NAB1: variants seen among roughly 807,000 people sequenced by gnomAD.
The protein encoded by NAB1 is NGFI-A-binding protein 1.
In NAB1, 25 loss-of-function variants were observed where a neutral mutation model predicts 49.9. The ratio of observed to expected loss-of-function variants is 0.50; its 90% CI spans 0.37 to 0.70. NAB1 has a LOEUF of 0.70. Ranked by LOEUF, NAB1 falls within the 30% of genes least tolerant of loss-of-function variation. The probability of loss-of-function intolerance (pLI) is 0.00; values close to 1 mark genes in which losing one functional copy is unlikely to be tolerated. For synonymous variants in NAB1, 198 were observed against 215.6 expected, an observed-to-expected ratio of 0.92 and a Z score of 0.71; for missense variants, 489 against 575.9, an observed-to-expected ratio of 0.85 and a Z score of 1.54.
intron 5 of NAB1, among the ~76,000 whole-genome samples, chr2:190,672,034 A>G (rs950993381): frequency 6.6e-6 from 1 of 152,130 alleles, no homozygotes; most frequent in Non-Finnish European, 1.5e-5. Flanking sequence ...TTGGCCTCCC[A>G]AAGTGCTGGG....
At chr2:190,662,030 T>C (rs1304228258) in intron 4 of NAB1, among the ~76,000 whole-genome samples, 1 of 152,234 alleles carries the variant, frequency 6.6e-6, no homozygotes, top group East Asian at 1.9e-4. Flanking sequence ...GTTTTTTTAG[T>C]TCTAAGTTCC....
At chr2:190,653,468 C>T (rs1285773253) in intron 2 of NAB1, among the ~76,000 whole-genome samples, 2 of 152,094 alleles carry the variant, frequency 1.3e-5, no homozygotes, top group Non-Finnish European at 2.9e-5. Context: ...AAATTGCAGG[C>T]TGTGTTGGGG....
rs1450224197 is a variant in NAB1 at position 190,687,237 on chromosome 2, A to G, written c.1295A>G (p.Gln432Arg). ...TTGAATCTCCGAATGCCTAATTTAC[A>G]GAACAGACAACCCCATCATTTTGTG... ...RPLNLRMPNL[Q>R]NRQPHHFVVD... The change falls in exon 9 of 10, where the codon CAG becomes CGG. Residue 432 changes from glutamine to arginine, a missense_variant. This residue lies in a region of NAB1 where 212 missense variants were observed against 199.3 expected (regional missense o/e 1.06). Transcript: ENST00000337386. The G allele has an allele frequency of 6.3e-7, 1 of 1,594,636 alleles. No homozygotes were observed. The highest frequency in any genetic ancestry group is 8.5e-7 in the Non-Finnish European group (1 of 1,174,860).
At chr2:190,662,387 C>CTTTTTTT (rs201737455) in intron 4 of NAB1, among the ~76,000 whole-genome samples, 1 of 146,520 alleles carries the variant, frequency 6.8e-6, no homozygotes, top group Non-Finnish European at 1.5e-5. Context: ...TTAAGCCCCT[C>CTTTTTTT]TTTTTTTTTT....
chr2:190,678,777 T>C lies in NAB1; in HGVS notation c.1006-4961T>C, dbSNP rs576380540. 6.6e-6 allele frequency among the ~76,000 whole-genome samples: 1 copy of C among 152,322 alleles called. No homozygotes were observed. The highest frequency in any genetic ancestry group is 2.4e-5 in the African/African-American group (1 of 41,562). On this transcript the variant is annotated intron_variant, in intron 6 of 9. Coordinates refer to ENST00000337386, the MANE Select transcript of NAB1 (RefSeq NM_005966.4). The surrounding 1 kb of genome is among the most constrained non-coding windows in gnomAD (Gnocchi z 4.9). ...AAAAGAAAGCTGGTCTAATTTGACG[T>C]AGACTCTTCCCCTCTGGATCAGAAA...
At position 190,685,517 on chromosome 2, in the gene NAB1, C is replaced by A; in HGVS notation, c.1137C>A (p.Cys379Ter). ...KVMAKQMEFL[C>*]NQAGYERLQH... is the part of the protein sequence containing the mutation. ...TGGCAAAGCAGATGGAGTTCCTTTG[C>A]AACCAAGCTGGCTATGAGAGACTGC... is the stretch of plus-strand genomic sequence containing the variant. Residue 379 changes from cysteine (C) to a stop codon, truncating the protein, a stop_gained, in exon 8 of 10, where the codon TGC becomes TGA. Transcript: ENST00000337386. LOFTEE classifies it high-confidence loss of function. This position sits in a 1 kb window ranked among gnomAD's most constrained non-coding sequence, Gnocchi z 4.5. 1 of 1,613,414 alleles carries A rather than the reference C, an allele frequency of 6.2e-7. No homozygotes were observed. The highest frequency in any genetic ancestry group is 8.5e-7 in the Non-Finnish European group (1 of 1,179,796).
Position 190,652,741 on chromosome 2 carries a change from G to C in NAB1, c.-197+2759G>C, listed in dbSNP as rs1349136077. On this transcript the variant is annotated intron_variant, in intron 2 of 9. Transcript: ENST00000337386. This position sits in a 1 kb window ranked among gnomAD's most constrained non-coding sequence, Gnocchi z 4.2. ...AATGCTTACTAATATGTGTGCCTAG[G>C]TAAATCACTGGAAGCTTGAAACACA... Among the ~76,000 whole-genome samples, 1 of 152,174 alleles carries C rather than the reference G, an allele frequency of 6.6e-6. No homozygotes were observed. The highest frequency in any genetic ancestry group is 1.5e-5 in the Non-Finnish European group (1 of 68,034).
In NAB1 at chr2:190,677,272, C is replaced by G. The variant is rs1425324611; in HGVS notation, c.1005+4120C>G. 1 of 152,148 alleles carries G rather than the reference C, an allele frequency of 6.6e-6. No homozygotes were observed. The highest frequency in any genetic ancestry group is 1.5e-5 in the Non-Finnish European group (1 of 68,028). 9.4% of individuals were successfully genotyped at this position (152,148 alleles called of 1,614,324 possible). ...AATCTGTTGTCCTTAAATAGTGTTC[C>G]TCCTTACAGGGTATGTTAAACATTA... On this transcript the variant is annotated intron_variant, in intron 6 of 9. Coordinates refer to ENST00000337386, the MANE Select transcript of NAB1 (RefSeq NM_005966.4). This position sits in a 1 kb window ranked among gnomAD's most constrained non-coding sequence, Gnocchi z 5.6.
Position 190,679,548 on chromosome 2 carries a change from A to G in NAB1, c.1006-4190A>G, listed in dbSNP as rs564632971. On this transcript the variant is annotated intron_variant, in intron 6 of 9. Transcript: ENST00000337386. The surrounding 1 kb of genome is among the most constrained non-coding windows in gnomAD (Gnocchi z 5.3). ...CTCATGGTTGAATAATCCTGACTTT[A>G]GTGCCACCAGGTATTTGTATGGCAA... 6.6e-6 allele frequency among the ~76,000 whole-genome samples: 1 copy of G among 152,134 alleles called. No individual in the cohort carries two copies. The highest frequency in any genetic ancestry group is 6.5e-5 in the Admixed American group (1 of 15,286).
intron 4 of NAB1, among the ~76,000 whole-genome samples, chr2:190,662,086 G>T (rs1184684989): frequency 2.6e-5 from 4 of 152,086 alleles, no homozygotes; most frequent in African/African-American, 9.7e-5. Flanking sequence ...TCCACATAAG[G>T]AATACATGAC....
rs1171491443 is a variant in NAB1, at chr2:190,684,997, G to A, written c.1096-479G>A. On this transcript the variant is annotated intron_variant, in intron 7 of 9. Transcript: ENST00000337386. The surrounding 1 kb of genome is among the most constrained non-coding windows in gnomAD (Gnocchi z 4.6). ...TTTAATTTTAGTGGGAAGTGTATTT[G>A]TCTTGTTCTTCTAGACAGCCGTTTT... 1.3e-5 allele frequency among the ~76,000 whole-genome samples: 2 copies of A among 152,176 alleles called. No homozygotes were observed. Among genetic ancestry groups the A allele is most frequent in the Non-Finnish European group, 2.9e-5 (2 of 68,024 alleles).
At chr2:190,660,224 C>T (rs931101512) in intron 4 of NAB1, among the ~76,000 whole-genome samples, 5 of 144,708 alleles carry the variant, frequency 3.5e-5, no homozygotes, top group African/African-American at 7.5e-5. Flanking sequence ...AACTACAGTA[C>T]GAGGTGACTT....
chr2:190,690,837 T>C lies in NAB1; in HGVS notation c.*504T>C, dbSNP rs1695911326. On this transcript the variant is annotated 3_prime_UTR_variant, in exon 10 of 10. Coordinates refer to ENST00000337386, the MANE Select transcript of NAB1 (RefSeq NM_005966.4). The stretch of plus-strand genomic sequence containing the variant: ...GATGCAGTTATTGGCAAGATTGCAA[T>C]GATTATGGAAAAATAGAAAGCGAAT... 6.5e-6 allele frequency: 1 copy of C among 152,692 alleles called. No individual in the cohort carries two copies. Among genetic ancestry groups the C allele is most frequent in the South Asian group, 2.1e-4 (1 of 4,846 alleles). The allele number at this position is 152,692 out of a possible 1,614,324, so 9.5% of individuals were successfully genotyped here. A position where few individuals can be genotyped will look rare whatever the true frequency, so the allele number is the denominator to read the frequency against.
chr2:190,661,334 A>G (rs1031571293), intron 4 of NAB1, among the ~76,000 whole-genome samples: 1 of 152,240 alleles, frequency 6.6e-6, no homozygotes, highest in African/African-American at 2.4e-5. Flanking sequence ...GACTTGATCT[A>G]TTTTGGGAGT....
rs1693726842 is a variant in NAB1 at position 190,652,633 on chromosome 2, A to G, written c.-197+2651A>G. ...AAGAGACAACATTTTAAGTTTCCCA[A>G]ATTACAGTCAATTCATTAGAAGGTA... On this transcript the variant is annotated intron_variant, in intron 2 of 9. Coordinates refer to ENST00000337386, the MANE Select transcript of NAB1 (RefSeq NM_005966.4). The surrounding 1 kb of genome is among the most constrained non-coding windows in gnomAD (Gnocchi z 4.2). 6.6e-6 allele frequency among the ~76,000 whole-genome samples: 1 copy of G among 152,214 alleles called. No homozygotes were observed. The highest frequency in any genetic ancestry group is 2.1e-4 in the South Asian group (1 of 4,834).
Position 190,654,332 on chromosome 2 carries a change from TCCTCTGTTC to T in NAB1, c.-196-1642_-196-1634del, listed in dbSNP as rs1243936818. 6.6e-6 allele frequency among the ~76,000 whole-genome samples: 1 copy of T among 152,212 alleles called. No homozygotes were observed. The highest frequency in any genetic ancestry group is 1.5e-5 in the Non-Finnish European group (1 of 68,036). ...CTGACTCTCCATGAAGGACTGTCTT[TCCTCTGTTC>T]CCCAGAACTGGCTTAGTTGTTGGTG... On this transcript the variant is annotated intron_variant, in intron 2 of 9. Transcript: ENST00000337386. The surrounding 1 kb of genome is among the most constrained non-coding windows in gnomAD (Gnocchi z 5.6).
Position 190,659,151 on chromosome 2 carries a change from T to TTTTG in NAB1, c.-19-6_-19-5insTTGT. The TTTTG allele has an allele frequency of 6.6e-7, 1 of 1,508,020 alleles. No homozygotes were observed. 93.4% of individuals were successfully genotyped at this position (1,508,020 alleles called of 1,614,324 possible). On this transcript the variant is annotated splice_region_variant and splice_polypyrimidine_tract_variant and intron_variant, in intron 3 of 9. Coordinates refer to ENST00000337386, the MANE Select transcript of NAB1 (RefSeq NM_005966.4). The surrounding 1 kb of genome is among the most constrained non-coding windows in gnomAD (Gnocchi z 6.2). ...TGAGTTTTTACTTTTTTTTTTTTTT[T>TTTTG]TGGCAGGTTAAACCCATCCAGAGTA... is the stretch of plus-strand genomic sequence containing the variant.
At chr2:190,658,467 T>C (rs1438664087) in intron 3 of NAB1, among the ~76,000 whole-genome samples, 2 of 152,226 alleles carry the variant, frequency 1.3e-5, no homozygotes, top group Non-Finnish European at 2.9e-5. Context: ...GTAACTGTTT[T>C]CTTCATCAAT....
At position 190,690,350 on chromosome 2, in the gene NAB1, CG is replaced by C; in HGVS notation, c.*18del. 6.4e-7 allele frequency: 1 copy of C among 1,561,956 alleles called. No individual in the cohort carries two copies. The highest frequency in any genetic ancestry group is 8.8e-7 in the Non-Finnish European group (1 of 1,134,394). On this transcript the variant is annotated 3_prime_UTR_variant, in exon 10 of 10. Transcript: ENST00000337386. ...TCAAGATAGCTGTGATTTCTCTCACCGTTCTCTGGAAATGGCATCAGATTTA... is the reference window on the plus strand; with the variant it reads ...TCAAGATAGCTGTGATTTCTCTCACCTTCTCTGGAAATGGCATCAGATTTA...
Sources: gnomAD v4.1 joint callset for allele counts (sites outside exome capture counted in the v4.1 genomes callset) on GRCh38, gnomAD v4.1.1 for gene constraint, gnomAD v4.1.1 regional missense constraint, Gnocchi (gnomAD v3.1) non-coding constraint, MANE v1.5 for transcripts, NCBI Gene and HGNC (gene_info 2026-07-23, HGNC 2026-07-21) for gene names.